The following CDS1 variants were observed in gnomAD, a reference collection of about 807,000 sequenced individuals.
The protein encoded by CDS1 is CDP-diacylglycerol synthase 1, also known as phosphatidate cytidylyltransferase 1.
In CDS1, 41 loss-of-function variants were observed where a neutral mutation model predicts 62.1. That is an observed-to-expected ratio of 0.66 (90% CI 0.51 to 0.86). CDS1 has a LOEUF of 0.86. Among genes scored for constraint, CDS1 ranks in the 40% least tolerant of loss-of-function variants. The probability of loss-of-function intolerance (pLI) is 0.00; values close to 1 mark genes in which losing one functional copy is unlikely to be tolerated. For missense variants in CDS1, 470 were observed against 550.1 expected (o/e 0.85, Z 1.46); for synonymous variants, 185 against 192.6 (o/e 0.96, Z 0.32).
intron 1 of CDS1, among the ~76,000 whole-genome samples, chr4:84,588,433 T>C (rs1177738233): frequency 6.6e-6 from 1 of 152,154 alleles, no homozygotes; most frequent in Non-Finnish European, 1.5e-5. Context: ...ATAGAACTGG[T>C]TTATCAACAC....
chr4:84,618,945 A>G (rs1429381576), intron 4 of CDS1, among the ~76,000 whole-genome samples: 1 of 152,094 alleles, frequency 6.6e-6, no homozygotes, highest in Non-Finnish European at 1.5e-5. Flanking sequence ...TAATCCCTCA[A>G]TATATACACC....
intron 1 of CDS1, among the ~76,000 whole-genome samples, chr4:84,596,164 G>T (rs1722742021): frequency 6.6e-6 from 1 of 152,186 alleles, no homozygotes; most frequent in South Asian, 2.1e-4. Flanking sequence ...ACTGCTGGGT[G>T]AACAGGCAAT....
Position 84,651,327 on chromosome 4 carries a change from A to T in CDS1, c.*2641A>T, listed in dbSNP as rs1014605049. 1 of 145,428 alleles carries T rather than the reference A, an allele frequency of 6.9e-6. No homozygotes were observed. Among genetic ancestry groups the T allele is most frequent in the African/African-American group, 2.9e-5 (1 of 34,990 alleles). 9.0% of individuals were successfully genotyped at this position (145,428 alleles called of 1,614,324 possible). A position where few individuals can be genotyped will look rare whatever the true frequency, so the allele number is the denominator to read the frequency against. On this transcript the variant is annotated 3_prime_UTR_variant, in exon 13 of 13. Coordinates refer to ENST00000295887, the MANE Select transcript of CDS1 (RefSeq NM_001263.4). ...TGAGACAGGAAAATAAAACTGAAACAAATCATATTTTGACTTTGTTGTGCC... is the reference window on the plus strand; with the variant it reads ...TGAGACAGGAAAATAAAACTGAAACTAATCATATTTTGACTTTGTTGTGCC...
intron 5 of CDS1, among the ~76,000 whole-genome samples, chr4:84,627,513 T>G (rs1456248336): frequency 6.6e-6 from 1 of 152,206 alleles, no homozygotes; most frequent in African/African-American, 2.4e-5. Context: ...ATTATATGGT[T>G]AGCAGTGATG....
At chr4:84,596,947 G>A (rs1426221359) in intron 1 of CDS1, among the ~76,000 whole-genome samples, 2 of 152,248 alleles carry the variant, frequency 1.3e-5, no homozygotes, top group Admixed American at 1.3e-4. Context: ...AGAGCCTGGA[G>A]TGGCTGGGTG....
chr4:84,600,591 T>G (rs907728105), intron 1 of CDS1, among the ~76,000 whole-genome samples: 2 of 152,244 alleles, frequency 1.3e-5, no homozygotes, highest in Admixed American at 6.5e-5. Flanking sequence ...GTTGTCAATC[T>G]GTTGACCATA....
chr4:84,599,506 A>C (rs561948886), intron 1 of CDS1, among the ~76,000 whole-genome samples: 1 of 146,020 alleles, frequency 6.8e-6, no homozygotes, highest in South Asian at 2.2e-4. Context: ...CACCACTAAA[A>C]GTTTGCCCCT....
chr4:84,645,411 C>A, intron 12 of CDS1, 86 bp downstream of exon 12: 1 of 793,692 alleles, frequency 1.3e-6, no homozygotes, highest in South Asian at 1.5e-5. Flanking sequence ...TAACTTTTTC[C>A]GTCAATGGTA....
chr4:84,583,297 A>G lies in CDS1; in HGVS notation c.-105A>G. On this transcript the variant is annotated 5_prime_UTR_variant, in exon 1 of 13. Coordinates refer to ENST00000295887, the MANE Select transcript of CDS1 (RefSeq NM_001263.4). ...AGTGGCTGCGGCTCCGCGGGACTCCAGGGCGCGGCTGCGAGGTGGCGGGGC... is the reference window on the plus strand; with the variant it reads ...AGTGGCTGCGGCTCCGCGGGACTCCGGGGCGCGGCTGCGAGGTGGCGGGGC... 1.3e-6 allele frequency: 1 copy of G among 764,390 alleles called. No individual in the cohort carries two copies. Among genetic ancestry groups the G allele is most frequent in the Non-Finnish European group, 2.1e-6 (1 of 471,962 alleles). 47.4% of individuals were successfully genotyped at this position (764,390 alleles called of 1,614,324 possible). A position where few individuals can be genotyped will look rare whatever the true frequency, so the allele number is the denominator to read the frequency against.
In CDS1 at chr4:84,612,390, A is replaced by C. The variant is rs371048076; in HGVS notation, c.342+2865A>C. ...AACCACCAGTATCCTAGATACAGTG[A>C]CTTCGGCAGGTTTGGTGGGTTCCCC... On this transcript the variant is annotated intron_variant, in intron 3 of 12. Transcript: ENST00000295887. Among the ~76,000 whole-genome samples, 23 of 152,258 alleles carry C rather than the reference A, an allele frequency of 1.5e-4. No homozygotes were observed. The South Asian group carries it at 4.6e-3, about 30-fold the overall frequency.
At position 84,601,180 on chromosome 4, in the gene CDS1, A is replaced by AAAAAAAAAAAG. The variant is rs1226232084; in HGVS notation, c.118-3056_118-3055insAAAGAAAAAAA. Among the ~76,000 whole-genome samples the AAAAAAAAAAAG allele has an allele frequency of 1.3e-3, 192 of 151,296 alleles. 1 individual carries two copies. The highest frequency in any genetic ancestry group is 4.4e-3 in the African/African-American group (182 of 41,264). ...AGAGTAAGACCCTGTCTCAAAAAAA[A>AAAAAAAAAAAG]AAAAAAAGAGCAAAAGAAAAAGACA... On this transcript the variant is annotated intron_variant, in intron 1 of 12. Coordinates refer to ENST00000295887, the MANE Select transcript of CDS1 (RefSeq NM_001263.4).
intron 1 of CDS1, among the ~76,000 whole-genome samples, chr4:84,592,924 CA>C (rs376652520): frequency 2.0e-5 from 3 of 152,298 alleles, no homozygotes; most frequent in African/African-American, 7.2e-5. Flanking sequence ...TGCTACCTTC[CA>C]GTCCCAAGCA....
At chr4:84,591,853 A>G (rs1013291307) in intron 1 of CDS1, among the ~76,000 whole-genome samples, 5 of 152,172 alleles carry the variant, frequency 3.3e-5, no homozygotes, top group Non-Finnish European at 7.3e-5. Flanking sequence ...TACTGTTACT[A>G]CCTTGTGTGA....
At chr4:84,611,815 G>A (rs911951364) in intron 3 of CDS1, among the ~76,000 whole-genome samples, 7 of 152,120 alleles carry the variant, frequency 4.6e-5, no homozygotes, top group Non-Finnish European at 7.3e-5. Context: ...GTGGGCAGGC[G>A]TGGGAAATTG....
chr4:84,639,938 TTTACA>T (rs1257650676), intron 9 of CDS1, among the ~76,000 whole-genome samples: 1 of 151,920 alleles, frequency 6.6e-6, no homozygotes, highest in African/African-American at 2.4e-5. Context: ...ATCCAATGTT[TTTACA>T]TTACAAAGCG....
intron 10 of CDS1, among the ~76,000 whole-genome samples, chr4:84,641,657 T>G (rs1724387908): frequency 1.3e-5 from 2 of 152,222 alleles, no homozygotes. Context: ...TCAGTTTTCC[T>G]TCCAAATACA....
chr4:84,623,888 C>CTG (rs1560476763), intron 5 of CDS1, among the ~76,000 whole-genome samples: 2 of 152,052 alleles, frequency 1.3e-5, no homozygotes, highest in African/African-American at 4.8e-5. Context: ...GGGCACTGAC[C>CTG]TGTGGCCCCT....
At chr4:84,592,103 C>T (rs780725049) in intron 1 of CDS1, among the ~76,000 whole-genome samples, 3 of 145,154 alleles carry the variant, frequency 2.1e-5, no homozygotes, top group Non-Finnish European at 3.0e-5. Flanking sequence ...AATGACATCA[C>T]ATTTTGAAAC....
chr4:84,639,084 CA>C, intron 9 of CDS1, 92 bp downstream of exon 9: 1 of 488,264 alleles, frequency 2.0e-6, no homozygotes, highest in Non-Finnish European at 3.5e-6. Context: ...AATTAAACCA[CA>C]AAATGCTAAT....
Sources: allele counts gnomAD v4.1 joint callset (sites outside exome capture counted in the v4.1 genomes callset), GRCh38; gene constraint gnomAD v4.1.1; transcripts MANE v1.5; gene names NCBI Gene and HGNC (gene_info 2026-07-23, HGNC 2026-07-21).